The following PTPRN2 variants were observed in gnomAD, a reference collection of about 807,000 sequenced individuals.
PTPRN2 encodes receptor-type tyrosine-protein phosphatase N2.
A neutral mutation model predicts 118.8 loss-of-function variants in PTPRN2; 74 were observed. The observed-to-expected ratio is 0.62, with a 90% CI of 0.52 to 0.76. PTPRN2 has a LOEUF of 0.76. Among genes scored for constraint, PTPRN2 ranks in the 30% least tolerant of loss-of-function variants. The pLI is 0.00. For missense variants in PTPRN2, 1,481 were observed against 1,394.4 expected, an observed-to-expected ratio of 1.06 and a Z score of -0.99; for synonymous variants, 641 against 608.0, an observed-to-expected ratio of 1.05 and a Z score of -0.80.
chr7:157,564,555 GA>G (rs1799387537), intron 21 of PTPRN2, among the ~76,000 whole-genome samples: 2 of 152,334 alleles, frequency 1.3e-5, no homozygotes, highest in Middle Eastern at 3.4e-3. Flanking sequence ...GTAGTATTCA[GA>G]ATATATAAAG....
In PTPRN2 at chr7:157,813,919, G is replaced by C; in HGVS notation, c.1788+84754C>G. ...CCCAGGTGATGCTGCTGGTGACCCC[G>C]GGGACCCCGCCGTGAGAGCCCCGAC... On this transcript the variant is annotated intron_variant, in intron 12 of 22. Coordinates refer to ENST00000389418, the MANE Select transcript of PTPRN2 (RefSeq NM_002847.5). The surrounding 1 kb of genome is among the most constrained non-coding windows in gnomAD (Gnocchi z 4.7). Among the ~76,000 whole-genome samples, 1 of 152,246 alleles carries C rather than the reference G, an allele frequency of 6.6e-6. No individual in the cohort carries two copies. Among genetic ancestry groups the C allele is most frequent in the East Asian group, 1.9e-4 (1 of 5,202 alleles).
intron 12 of PTPRN2, among the ~76,000 whole-genome samples, chr7:157,686,085 T>C (rs1797175340): frequency 6.6e-6 from 1 of 151,648 alleles, no homozygotes. Flanking sequence ...GCGAGGAGGG[T>C]CTTACTGCAG....
chr7:157,541,996 G>A (rs1159987068), intron 22 of PTPRN2, among the ~76,000 whole-genome samples: 1 of 152,198 alleles, frequency 6.6e-6, no homozygotes, highest in Non-Finnish European at 1.5e-5. Flanking sequence ...TATTAAAGGA[G>A]TCAACTGAGC....
In PTPRN2 at chr7:158,022,993, A is replaced by G. The variant is rs985215781; in HGVS notation, c.1723+58305T>C. Among the ~76,000 whole-genome samples the G allele has an allele frequency of 1.3e-5, 2 of 152,202 alleles. No individual in the cohort carries two copies. ...TCTGTGCACTCCTGTTTAGTCCTCA[A>G]TGGGAAATGGGAAAGGGCTTTGTTT... On this transcript the variant is annotated intron_variant, in intron 11 of 22. Transcript: ENST00000389418. The surrounding 1 kb of genome is among the most constrained non-coding windows in gnomAD (Gnocchi z 4.6).
In PTPRN2 at chr7:158,268,708, C is replaced by A. The variant is rs116389801; in HGVS notation, c.277+48111G>T. ...CAGAGAGGGTGTGAAATATCCCAGC[C>A]CAGCCGCACACAGAGAGGGTGTGAA... is the stretch of plus-strand genomic sequence containing the variant. On this transcript the variant is annotated intron_variant, in intron 3 of 22. Coordinates refer to ENST00000389418, the MANE Select transcript of PTPRN2 (RefSeq NM_002847.5). 8.0e-3 allele frequency among the ~76,000 whole-genome samples: 1,053 copies of A among 132,078 alleles called. 24 individuals are homozygous for A. The highest frequency in any genetic ancestry group is 0.029 in the African/African-American group (1,004 of 34,934). The allele number at this position is 132,078 out of a possible 152,430, so 86.6% of individuals were successfully genotyped here. A position where few individuals can be genotyped will look rare whatever the true frequency, so the allele number is the denominator to read the frequency against.
chr7:158,480,213 A>G (rs1820559336), intron 2 of PTPRN2, among the ~76,000 whole-genome samples: 1 of 152,172 alleles, frequency 6.6e-6, no homozygotes, highest in Admixed American at 6.5e-5. Flanking sequence ...GCACGTGCTC[A>G]TCGCCTGTCT....
At chr7:158,052,269 C>G (rs1053830596) in intron 11 of PTPRN2, among the ~76,000 whole-genome samples, 12 of 152,280 alleles carry the variant, frequency 7.9e-5, no homozygotes, top group Middle Eastern at 6.8e-3. Flanking sequence ...ATGTTCTATT[C>G]ATTTGTTGAT....
At chr7:158,030,121 C>T (rs1436175825) in intron 11 of PTPRN2, 7 of 152,254 alleles carry the variant, frequency 4.6e-5, no homozygotes, top group South Asian at 2.1e-4. Context: ...GTGGAAAGCA[C>T]GGGCCAGGCG....
intron 3 of PTPRN2, among the ~76,000 whole-genome samples, chr7:158,262,357 CAA>C (rs1317208172): frequency 4.9e-4 from 57 of 116,776 alleles, no homozygotes; most frequent in African/African-American, 2.1e-3. Context: ...ACACACACTG[CAA>C]ACATTCACTG....
chr7:158,157,871 G>A (rs1456687254), intron 6 of PTPRN2, among the ~76,000 whole-genome samples: 1 of 152,170 alleles, frequency 6.6e-6, no homozygotes, highest in African/African-American at 2.4e-5. Flanking sequence ...ACTGAGCCCG[G>A]GACTGTTTCG....
At chr7:158,305,156 T>G (rs1801189576) in intron 3 of PTPRN2, among the ~76,000 whole-genome samples, 1 of 152,182 alleles carries the variant, frequency 6.6e-6, no homozygotes, top group East Asian at 1.9e-4. Context: ...CATCATGGCC[T>G]GAACTAGTGT....
chr7:158,160,188 C>T (rs1379480765), intron 6 of PTPRN2, among the ~76,000 whole-genome samples: 16 of 152,142 alleles, frequency 1.1e-4, no homozygotes. Context: ...TTAAGGAATA[C>T]CTAGAAATCC....
intron 3 of PTPRN2, among the ~76,000 whole-genome samples, chr7:158,276,417 G>A (rs1398815981): frequency 1.8e-4 from 9 of 49,230 alleles, no homozygotes; most frequent in African/African-American, 6.9e-4. Context: ...CCCCGGCCCC[G>A]ACAGGCTGTA....
At chr7:158,443,461 G>GGCTGCCC (rs930618547) in intron 2 of PTPRN2, among the ~76,000 whole-genome samples, 3 of 152,256 alleles carry the variant, frequency 2.0e-5, no homozygotes, top group African/African-American at 7.2e-5. Context: ...AAGAGTTGGG[G>GGCTGCCC]GCTGCCCGCC....
rs547291374 is a variant in PTPRN2, at chr7:157,924,082, G to A, written c.1724-25345C>T. ...GGGGGATGGCAAGGTTGTGTGTCAC[G>A]CTGGGGAGCTGGAGGAGGGGGCCCG... On this transcript the variant is annotated intron_variant, in intron 11 of 22. Transcript: ENST00000389418. 3.3e-5 allele frequency among the ~76,000 whole-genome samples: 5 copies of A among 152,252 alleles called. No individual in the cohort carries two copies. The East Asian group carries it at 5.8e-4, about 18-fold the overall frequency.
chr7:158,255,555 T>G (rs987426556), intron 3 of PTPRN2, among the ~76,000 whole-genome samples: 2 of 151,390 alleles, frequency 1.3e-5, no homozygotes, highest in African/African-American at 4.9e-5. Flanking sequence ...ACAGTATGTG[T>G]GTACAGAGAA....
At chr7:157,726,324 C>T (rs1175110272) in intron 12 of PTPRN2, among the ~76,000 whole-genome samples, 3 of 146,612 alleles carry the variant, frequency 2.0e-5, no homozygotes, top group African/African-American at 7.6e-5. Context: ...ACTGGATATC[C>T]ACACGCAGAG....
intron 3 of PTPRN2, among the ~76,000 whole-genome samples, chr7:158,219,714 A>T (rs1828208652): frequency 6.6e-6 from 1 of 152,000 alleles, no homozygotes; most frequent in African/African-American, 2.4e-5. Flanking sequence ...GACAACGGTG[A>T]TATTACAAGA....
At chr7:158,150,732 A>G (rs1254935023) in intron 6 of PTPRN2, among the ~76,000 whole-genome samples, 2 of 151,570 alleles carry the variant, frequency 1.3e-5, no homozygotes, top group Non-Finnish European at 2.9e-5. Flanking sequence ...TGATCTGCAA[A>G]GCTCTCTTCT....
Sources: gnomAD v4.1 joint callset for allele counts (sites outside exome capture counted in the v4.1 genomes callset) on GRCh38, gnomAD v4.1.1 for gene constraint, Gnocchi (gnomAD v3.1) non-coding constraint, MANE v1.5 for transcripts, NCBI Gene and HGNC (gene_info 2026-07-23, HGNC 2026-07-21) for gene names.